PTPRM: variants seen among roughly 807,000 people sequenced by gnomAD.
PTPRM encodes the protein protein tyrosine phosphatase receptor type M, also known as receptor-type tyrosine-protein phosphatase mu.
PTPRM carries 47 observed loss-of-function variants against 186.7 expected under a neutral mutation model. The ratio of observed to expected loss-of-function variants is 0.25; its 90% CI spans 0.20 to 0.32. The LOEUF is 0.32. Ranked by LOEUF, PTPRM falls within the 10% of genes least tolerant of loss-of-function variation. The pLI is 1.00. For synonymous variants in PTPRM, 668 were observed against 674.9 expected (o/e 0.99, Z 0.16); for missense variants, 1,494 against 1,865.0 (o/e 0.80, Z 3.66).
intron 23 of PTPRM, among the ~76,000 whole-genome samples, chr18:8,370,027 T>C (rs1474373047): frequency 1.3e-5 from 2 of 151,870 alleles, no homozygotes; most frequent in Non-Finnish European, 2.9e-5. Flanking sequence ...AGTTACAGAA[T>C]AGAAATTCAT....
intron 11 of PTPRM, among the ~76,000 whole-genome samples, chr18:8,091,095 T>C (rs1184411404): frequency 1.3e-5 from 2 of 152,186 alleles, no homozygotes; most frequent in Non-Finnish European, 2.9e-5. Context: ...GGGACCTTAC[T>C]GGTAGTTCTT....
chr18:8,022,075 C>T (rs1053874419), intron 7 of PTPRM, among the ~76,000 whole-genome samples: 1 of 152,056 alleles, frequency 6.6e-6, no homozygotes, highest in Admixed American at 6.5e-5. Flanking sequence ...ACAGGCCTGC[C>T]TCATAGGGAG....
intron 7 of PTPRM, among the ~76,000 whole-genome samples, chr18:8,042,281 C>T (rs1429732700): frequency 6.6e-6 from 1 of 152,048 alleles, no homozygotes; most frequent in Non-Finnish European, 1.5e-5. Context: ...TAGCAGTTGG[C>T]TTTAGTTCAG....
intron 10 of PTPRM, among the ~76,000 whole-genome samples, chr18:8,086,782 G>A (rs973145459): frequency 3.3e-5 from 5 of 152,110 alleles, no homozygotes; most frequent in Non-Finnish European, 5.9e-5. Flanking sequence ...TAAGTGTTTG[G>A]CTAGGTTTTG....
chr18:8,370,755 A>G (rs1272807545), intron 23 of PTPRM, 135 bp from the exon 24 acceptor site: 2 of 542,626 alleles, frequency 3.7e-6, no homozygotes, highest in East Asian at 3.0e-5. Flanking sequence ...TCTACAAAAA[A>G]TAGACCTTCC....
intron 1 of PTPRM, among the ~76,000 whole-genome samples, chr18:7,768,042 A>G (rs1423236082): frequency 1.3e-5 from 2 of 152,210 alleles, no homozygotes; most frequent in Non-Finnish European, 2.9e-5. Context: ...TTGGGTGTTT[A>G]TCATGCAGCC....
intron 14 of PTPRM, among the ~76,000 whole-genome samples, chr18:8,151,832 G>A (rs1372623055): frequency 6.6e-6 from 1 of 152,136 alleles, no homozygotes; most frequent in Non-Finnish European, 1.5e-5. Flanking sequence ...TGAAGACCAT[G>A]GGAAAAGCGC....
intron 20 of PTPRM, among the ~76,000 whole-genome samples, chr18:8,314,556 C>A (rs1314135319): frequency 1.3e-5 from 2 of 152,190 alleles, no homozygotes; most frequent in African/African-American, 4.8e-5. Context: ...CGTCAATGAT[C>A]AAAGAATAAG....
chr18:8,230,220 G>GT (rs1315399582), intron 14 of PTPRM, among the ~76,000 whole-genome samples: 12 of 152,224 alleles, frequency 7.9e-5, no homozygotes, highest in Non-Finnish European at 1.6e-4. Flanking sequence ...AAAAAAAACT[G>GT]TTTTTTTGTG....
chr18:8,277,903 G>A (rs918658348), intron 19 of PTPRM, among the ~76,000 whole-genome samples: 2 of 152,228 alleles, frequency 1.3e-5, no homozygotes, highest in Admixed American at 1.3e-4. Flanking sequence ...CCAATATGTT[G>A]TGCGTATCTG....
chr18:8,056,566 T>G (rs911706432), intron 7 of PTPRM, among the ~76,000 whole-genome samples: 5 of 151,844 alleles, frequency 3.3e-5, no homozygotes, highest in African/African-American at 1.2e-4. Flanking sequence ...AGGTTGTGGT[T>G]AGCTGAGATT....
intron 3 of PTPRM, among the ~76,000 whole-genome samples, chr18:7,889,336 T>TCTTTC (rs1555633918): frequency 8.4e-6 from 1 of 119,572 alleles, no homozygotes; most frequent in African/African-American, 5.0e-5. Flanking sequence ...TTTCTTTCTT[T>TCTTTC]TTTTTTTTTT....
At position 8,289,537 on chromosome 18, in the gene PTPRM, C is replaced by T. The variant is rs953673838; in HGVS notation, c.2755-6831C>T. ...ATGTATATATATACATATATATACA[C>T]ATATATATATATACATATATATACA... On this transcript the variant is annotated intron_variant, in intron 19 of 32. Transcript: ENST00000580170. 1.1e-4 allele frequency among the ~76,000 whole-genome samples: 10 copies of T among 93,714 alleles called. No homozygotes were observed. The East Asian group carries it at 1.3e-3, about 12-fold the overall frequency. 61.5% of individuals were successfully genotyped at this position (93,714 alleles called of 152,430 possible).
chr18:8,005,541 T>A (rs1164548062), intron 7 of PTPRM, among the ~76,000 whole-genome samples: 1 of 152,236 alleles, frequency 6.6e-6, no homozygotes, highest in Non-Finnish European at 1.5e-5. Context: ...ATGGGTAAAC[T>A]GTGATTCAGA....
At chr18:7,916,774 A>AT (rs1371313950) in intron 4 of PTPRM, among the ~76,000 whole-genome samples, 5 of 152,146 alleles carry the variant, frequency 3.3e-5, no homozygotes, top group South Asian at 2.1e-4. Context: ...AACATTTATC[A>AT]TTTTTTTGTG....
chr18:7,972,479 T>A (rs867759926), intron 7 of PTPRM, among the ~76,000 whole-genome samples: 471 of 44,246 alleles, frequency 0.011, no homozygotes, highest in East Asian at 0.012. Context: ...AAAAAAACAT[T>A]AAAAAAAAAA....
In PTPRM at chr18:7,909,126, A is replaced by C. The variant is rs141959463; in HGVS notation, c.547+2543A>C. Among the ~76,000 whole-genome samples the C allele has an allele frequency of 2.6e-4, 39 of 152,344 alleles. No homozygotes were observed. In the East Asian group the frequency reaches 7.3e-3, roughly 29 times the overall value. Reference sequence around the variant, plus strand: ...CATCTTCCACATCTGGCCACTAGCCAGCATAAGAGCTCCTGAAGTGTAGTG... The same window carrying C: ...CATCTTCCACATCTGGCCACTAGCCCGCATAAGAGCTCCTGAAGTGTAGTG... On this transcript the variant is annotated intron_variant, in intron 4 of 32. Transcript: ENST00000580170.
At chr18:8,210,348 C>G (rs190267567) in intron 14 of PTPRM, among the ~76,000 whole-genome samples, 22 of 152,080 alleles carry the variant, frequency 1.4e-4, no homozygotes, top group African/African-American at 4.6e-4. Flanking sequence ...AATTGAGACA[C>G]AGGGAGAGAA....
chr18:7,777,446 G>A (rs1243411450), intron 2 of PTPRM, among the ~76,000 whole-genome samples: 2 of 152,234 alleles, frequency 1.3e-5, no homozygotes, highest in African/African-American at 4.8e-5. Context: ...GGTGTCAGTG[G>A]TTGGTTTCAA....
Sources: allele counts gnomAD v4.1 joint callset (sites outside exome capture counted in the v4.1 genomes callset), GRCh38; gene constraint gnomAD v4.1.1; transcripts MANE v1.5; gene names NCBI Gene and HGNC (gene_info 2026-07-23, HGNC 2026-07-21).